Variants in DLG2 observed in about 807,000 individuals in gnomAD.
The protein encoded by DLG2 is discs large MAGUK scaffold protein 2, also known as disks large homolog 2.
A neutral mutation model predicts 132.5 loss-of-function variants in DLG2; 45 were observed. That is an observed-to-expected ratio of 0.34 (90% CI 0.27 to 0.44). The LOEUF (loss-of-function observed/expected upper bound fraction) is 0.44, where lower values mean the gene tolerates loss of function less well. DLG2 is among the 20% of genes least tolerant of loss of function. DLG2 has a pLI of 1.00. For missense variants in DLG2, 1,045 were observed against 1,196.9 expected (o/e 0.87, Z 1.87); for synonymous variants, 424 against 419.6 (o/e 1.01, Z -0.13).
At chr11:83,637,769 A>G (rs1476736983) in intron 18 of DLG2, among the ~76,000 whole-genome samples, 2 of 152,092 alleles carry the variant, frequency 1.3e-5, no homozygotes, top group African/African-American at 4.8e-5. Context: ...TCTTCCCTCT[A>G]TCAAACTGTA....
intron 6 of DLG2, among the ~76,000 whole-genome samples, chr11:85,001,437 T>C (rs2058202615): frequency 1.3e-5 from 2 of 152,306 alleles, no homozygotes; most frequent in East Asian, 1.9e-4. Context: ...TAAGCAATTG[T>C]TAGGTCTTAG....
chr11:84,267,708 T>C (rs1469790343), intron 7 of DLG2, among the ~76,000 whole-genome samples: 1 of 152,094 alleles, frequency 6.6e-6, no homozygotes, highest in Non-Finnish European at 1.5e-5. Flanking sequence ...CATTTCTCTG[T>C]GTCTTTCTTT....
At chr11:85,331,909 T>C (rs986540439) in intron 3 of DLG2, among the ~76,000 whole-genome samples, 6 of 152,208 alleles carry the variant, frequency 3.9e-5, no homozygotes, top group Non-Finnish European at 7.3e-5. Context: ...CTATTATAAA[T>C]AGTGCTACAA....
chr11:85,462,985 T>G (rs145875645), intron 3 of DLG2, among the ~76,000 whole-genome samples: 23 of 152,244 alleles, frequency 1.5e-4, no homozygotes, highest in African/African-American at 4.8e-4. Context: ...AGAAGTCATA[T>G]GAGTAGACAG....
intron 9 of DLG2, among the ~76,000 whole-genome samples, chr11:84,149,476 C>G (rs1207751605): frequency 1.3e-5 from 2 of 151,872 alleles, no homozygotes; most frequent in Non-Finnish European, 2.9e-5. Flanking sequence ...AATAGGGAAC[C>G]CTTTCCCTAC....
intron 17 of DLG2, chr11:83,791,069 G>A (rs369875190): frequency 1.4e-6 from 1 of 702,654 alleles, no homozygotes; most frequent in Non-Finnish European, 2.5e-6. Context: ...CCTTTCGGAC[G>A]CCATTCAGGG....
At chr11:85,587,167 T>C (rs1346226719) in intron 3 of DLG2, among the ~76,000 whole-genome samples, 1 of 152,210 alleles carries the variant, frequency 6.6e-6, no homozygotes, top group Non-Finnish European at 1.5e-5. Context: ...GTAGAATGTA[T>C]ATTCTGCGGT....
intron 6 of DLG2, among the ~76,000 whole-genome samples, chr11:84,690,125 A>T (rs1416331996): frequency 6.6e-6 from 1 of 151,668 alleles, no homozygotes; most frequent in Admixed American, 6.6e-5. Flanking sequence ...GGTTGGGGGT[A>T]GGGGGAAAAA....
chr11:84,120,025 A>T (rs1262489725), intron 9 of DLG2, among the ~76,000 whole-genome samples: 2 of 152,206 alleles, frequency 1.3e-5, no homozygotes, highest in Admixed American at 1.3e-4. Context: ...CTAGGAAGAG[A>T]ATTGGCTTGA....
At chr11:84,975,546 T>C (rs2054778466) in intron 6 of DLG2, among the ~76,000 whole-genome samples, 1 of 152,172 alleles carries the variant, frequency 6.6e-6, no homozygotes, top group African/African-American at 2.4e-5. Flanking sequence ...TCAAGGAGAA[T>C]GAGTTACAAT....
intron 3 of DLG2, among the ~76,000 whole-genome samples, chr11:85,350,881 T>G (rs558768017): frequency 1.6e-4 from 24 of 152,346 alleles, no homozygotes; most frequent in African/African-American, 5.3e-4. Flanking sequence ...AGGATTGTCT[T>G]GGCAATGCAG....
intron 21 of DLG2, among the ~76,000 whole-genome samples, chr11:83,514,513 C>T (rs2095208735): frequency 6.6e-6 from 1 of 152,116 alleles, no homozygotes; most frequent in South Asian, 2.1e-4. Flanking sequence ...TAATTGAATA[C>T]CCTTTATTTC....
intron 6 of DLG2, among the ~76,000 whole-genome samples, chr11:85,069,433 C>A (rs536130985): frequency 1.4e-4 from 21 of 151,870 alleles, no homozygotes; most frequent in East Asian, 9.7e-4. Context: ...CAGAATCTAC[C>A]AAGAACTCAA....
At chr11:84,025,421 C>G (rs567061151) in intron 11 of DLG2, among the ~76,000 whole-genome samples, 2 of 152,204 alleles carry the variant, frequency 1.3e-5, no homozygotes, top group South Asian at 4.1e-4. Context: ...TCCCCCAACA[C>G]TTGGGAATTC....
intron 2 of DLG2, among the ~76,000 whole-genome samples, chr11:85,601,719 G>A (rs1002064885): frequency 3.3e-5 from 5 of 152,112 alleles, no homozygotes; most frequent in African/African-American, 4.8e-5. Context: ...GACATGAGCC[G>A]TCTCCAGCAC....
chr11:84,651,349 CTGT>C (rs1056580087), intron 6 of DLG2, among the ~76,000 whole-genome samples: 7 of 152,010 alleles, frequency 4.6e-5, no homozygotes, highest in African/African-American at 1.7e-4. Flanking sequence ...TAGCCTTTTC[CTGT>C]TGTTATGTAG....
chr11:83,878,725 T>G (rs555223786), intron 15 of DLG2, among the ~76,000 whole-genome samples: 1 of 152,066 alleles, frequency 6.6e-6, no homozygotes, highest in Admixed American at 6.6e-5. Context: ...TGACAATGAA[T>G]AGTGGGTGGG....
intron 6 of DLG2, among the ~76,000 whole-genome samples, chr11:84,591,493 C>G (rs1050708802): frequency 6.6e-6 from 1 of 151,418 alleles, no homozygotes; most frequent in Non-Finnish European, 1.5e-5. Context: ...ATGAGAAAAC[C>G]CTGTTTCTAC....
Position 84,777,281 on chromosome 11 carries a change from GTATATATATATATATATATATATA to G in DLG2, c.358-242574_358-242551del, listed in dbSNP as rs71036441. ...TGTGTGTGTATGTATATGTGTGTGT[GTATATATATATATATATATATATA>G]TATATATATATATATATATACGTTT... On this transcript the variant is annotated intron_variant, in intron 6 of 27. Coordinates refer to ENST00000376104, the MANE Select transcript of DLG2 (RefSeq NM_001142699.3). Among the ~76,000 whole-genome samples the G allele has an allele frequency of 2.1e-3, 197 of 95,016 alleles. 8 individuals carry two copies. Among genetic ancestry groups the G allele is most frequent in the African/African-American group, 5.5e-3 (135 of 24,554 alleles). The allele number at this position is 95,016 out of a possible 152,430, so 62.3% of individuals were successfully genotyped here.
Sources: allele counts gnomAD v4.1 joint callset (sites outside exome capture counted in the v4.1 genomes callset), GRCh38; gene constraint gnomAD v4.1.1; transcripts MANE v1.5; gene names NCBI Gene and HGNC (gene_info 2026-07-23, HGNC 2026-07-21).